The following PHACTR1 variants were observed in gnomAD, a reference collection of about 807,000 sequenced individuals.
The protein encoded by PHACTR1 is RPEL repeat containing 1.
PHACTR1 carries 16 observed loss-of-function variants against 69.2 expected under a neutral mutation model. The ratio of observed to expected loss-of-function variants is 0.23; its 90% CI spans 0.16 to 0.35. The LOEUF (loss-of-function observed/expected upper bound fraction) is 0.35. PHACTR1 is among the 10% of genes least tolerant of loss of function. The pLI is 1.00. For missense variants in PHACTR1, 510 were observed against 734.7 expected (o/e 0.69, Z 3.54); for synonymous variants, 312 against 284.5 (o/e 1.10, Z -0.97).
chr6:12,774,599 G>A (rs1581690264), intron 4 of PHACTR1, among the ~76,000 whole-genome samples: 1 of 152,188 alleles, frequency 6.6e-6, no homozygotes, highest in East Asian at 1.9e-4. Context: ...TCACCATGTT[G>A]GCCAGGCTGG....
chr6:12,813,939 G>T (rs1185339124), intron 4 of PHACTR1, among the ~76,000 whole-genome samples: 1 of 152,186 alleles, frequency 6.6e-6, no homozygotes, highest in African/African-American at 2.4e-5. Context: ...TTGACAAGCT[G>T]CACAGGGGAT....
intron 5 of PHACTR1, among the ~76,000 whole-genome samples, chr6:13,093,974 T>G (rs1325571697): frequency 6.6e-6 from 1 of 152,102 alleles, no homozygotes; most frequent in Admixed American, 6.6e-5. Context: ...TAGGTTCAAG[T>G]GATTCTCCCT....
chr6:12,814,257 T>C (rs1775328966), intron 4 of PHACTR1, among the ~76,000 whole-genome samples: 1 of 152,120 alleles, frequency 6.6e-6, no homozygotes, highest in African/African-American at 2.4e-5. Flanking sequence ...GAGGAAGGAA[T>C]CCAAAGATCA....
intron 5 of PHACTR1, among the ~76,000 whole-genome samples, chr6:13,110,133 T>C (rs1167832940): frequency 6.6e-6 from 1 of 152,138 alleles, no homozygotes; most frequent in Non-Finnish European, 1.5e-5. Flanking sequence ...TTTCTGCATC[T>C]GTTTCTATTG....
intron 5 of PHACTR1, among the ~76,000 whole-genome samples, chr6:13,109,742 C>T (rs1000969409): frequency 6.6e-6 from 1 of 151,902 alleles, no homozygotes; most frequent in African/African-American, 2.4e-5. Context: ...TCCTCCCTGT[C>T]TCTCCTTTTC....
chr6:12,806,727 A>C (rs189961761), intron 4 of PHACTR1, among the ~76,000 whole-genome samples: 1 of 152,300 alleles, frequency 6.6e-6, no homozygotes, highest in African/African-American at 2.4e-5. Flanking sequence ...GTGAAGCAAT[A>C]ATTTTTTTAT....
intron 4 of PHACTR1, among the ~76,000 whole-genome samples, chr6:12,831,581 G>A (rs1278725563): frequency 6.6e-6 from 1 of 152,112 alleles, no homozygotes; most frequent in East Asian, 1.9e-4. Context: ...CTCCAAGTGT[G>A]GCTTCTCTCG....
intron 4 of PHACTR1, among the ~76,000 whole-genome samples, chr6:12,914,513 G>A (rs1458284909): frequency 1.3e-5 from 2 of 152,128 alleles, no homozygotes; most frequent in Admixed American, 1.3e-4. Flanking sequence ...ACCAACCTGA[G>A]TTCTACATTC....
intron 4 of PHACTR1, among the ~76,000 whole-genome samples, chr6:13,006,368 G>A (rs1798790921): frequency 1.3e-5 from 2 of 152,136 alleles, no homozygotes; most frequent in African/African-American, 4.8e-5. Flanking sequence ...CTTTCTGAAT[G>A]TCAGTGGAAT....
intron 4 of PHACTR1, among the ~76,000 whole-genome samples, chr6:12,974,421 C>T (rs12203322): frequency 0.1 from 15,151 of 152,222 alleles, 1,150 homozygotes; most frequent in East Asian, 0.33. Flanking sequence ...TCATGACAGG[C>T]TTCTGCTAGA....
intron 3 of PHACTR1, among the ~76,000 whole-genome samples, chr6:12,729,976 G>T (rs796558852): frequency 3.9e-5 from 6 of 152,308 alleles, no homozygotes; most frequent in African/African-American, 1.4e-4. Context: ...CTGAGAGGGA[G>T]AATACAGGAG....
In PHACTR1 at chr6:12,744,133, C is replaced by T. The variant is rs373239694; in HGVS notation, c.104-5511C>T. Reference sequence around the variant, plus strand: ...ATGTTATTCTTTACTTACCATAGGTCAGGAGCCCTGTACAAGTACTGTGTA... The same window carrying T: ...ATGTTATTCTTTACTTACCATAGGTTAGGAGCCCTGTACAAGTACTGTGTA... On this transcript the variant is annotated intron_variant, in intron 3 of 14. Coordinates refer to ENST00000332995, the MANE Select transcript of PHACTR1 (RefSeq NM_030948.6). Among the ~76,000 whole-genome samples the T allele has an allele frequency of 1.7e-3, 261 of 152,064 alleles. 8 individuals carry two copies. The South Asian group carries it at 0.051, about 29-fold the overall frequency.
chr6:13,200,436 A>G (rs562439268), intron 7 of PHACTR1, among the ~76,000 whole-genome samples: 57 of 152,226 alleles, frequency 3.7e-4, no homozygotes, highest in African/African-American at 1.2e-3. Context: ...ACGTGCCACC[A>G]CACCCGGCCA....
intron 4 of PHACTR1, among the ~76,000 whole-genome samples, chr6:12,984,761 C>A (rs191463420): frequency 7.3e-5 from 10 of 137,630 alleles, no homozygotes; most frequent in Non-Finnish European, 1.5e-4. Context: ...ACACCTCCCC[C>A]AACCGAGCAG....
chr6:12,755,848 G>A (rs1767252758), intron 4 of PHACTR1, among the ~76,000 whole-genome samples: 1 of 152,090 alleles, frequency 6.6e-6, no homozygotes, highest in African/African-American at 2.4e-5. Context: ...AGATTACCAG[G>A]GAAGGTAAAC....
intron 4 of PHACTR1, among the ~76,000 whole-genome samples, chr6:12,879,898 C>G (rs1436147513): frequency 6.6e-6 from 1 of 152,178 alleles, no homozygotes; most frequent in African/African-American, 2.4e-5. Context: ...GCACTTTCCT[C>G]TATCCTTGTA....
intron 5 of PHACTR1, 44 bp from the exon 6 acceptor site, chr6:13,160,160 G>T (rs1269133125): frequency 2.6e-6 from 4 of 1,545,348 alleles, no homozygotes; most frequent in Admixed American, 1.7e-5. Flanking sequence ...AGACAACTTT[G>T]TTACCTACTC....
intron 10 of PHACTR1, among the ~76,000 whole-genome samples, chr6:13,260,929 C>T (rs976112445): frequency 3.3e-5 from 5 of 152,244 alleles, no homozygotes; most frequent in Admixed American, 3.3e-4. Flanking sequence ...AACCTAAGCA[C>T]TGTTGATGCT....
intron 4 of PHACTR1, among the ~76,000 whole-genome samples, chr6:12,998,492 T>C (rs1797688771): frequency 6.6e-6 from 1 of 151,696 alleles, no homozygotes; most frequent in Admixed American, 6.6e-5. Flanking sequence ...GGTGCACACC[T>C]CTGGTCCCCA....
Sources: gnomAD v4.1 joint callset for allele counts (sites outside exome capture counted in the v4.1 genomes callset) on GRCh38, gnomAD v4.1.1 for gene constraint, MANE v1.5 for transcripts, NCBI Gene and HGNC (gene_info 2026-07-23, HGNC 2026-07-21) for gene names.